The following SHISA6 variants were observed in gnomAD, a reference collection of about 807,000 sequenced individuals.
The protein encoded by SHISA6 is protein shisa-6.
Under a neutral mutation model 47.9 loss-of-function variants are expected in SHISA6, and 22 were observed. The observed-to-expected ratio is 0.46, with a 90% CI of 0.33 to 0.66. The LOEUF (loss-of-function observed/expected upper bound fraction) is 0.66. Among genes scored for constraint, SHISA6 ranks in the 30% least tolerant of loss-of-function variants. The pLI, the probability that SHISA6 is intolerant of heterozygous loss-of-function variation, is 0.02. For missense variants in SHISA6, 680 were observed against 764.6 expected (o/e 0.89, Z 1.30); for synonymous variants, 388 against 337.8 (o/e 1.15, Z -1.63).
intron 3 of SHISA6, among the ~76,000 whole-genome samples, chr17:11,436,880 C>T (rs1914957982): frequency 6.6e-6 from 1 of 152,088 alleles, no homozygotes; most frequent in South Asian, 2.1e-4. Context: ...CTTTTTCAAC[C>T]AAAAGGCAAA....
intron 3 of SHISA6, among the ~76,000 whole-genome samples, chr17:11,544,015 C>CG (rs2071858621): frequency 8.5e-6 from 1 of 117,694 alleles, no homozygotes. Context: ...TATTCATAAG[C>CG]AAAAAAAAAA....
rs897864626 is a variant in SHISA6, at chr17:11,392,140, G to A, written c.895+12631G>A. ...TGAATAGGATTGATGTCAGACTCTT[G>A]TTCTCTTCATCTGCTTCCCAGTGAA... On this transcript the variant is annotated intron_variant, in intron 3 of 5. Transcript: ENST00000441885. 3.3e-5 allele frequency among the ~76,000 whole-genome samples: 5 copies of A among 152,114 alleles called. No homozygotes were observed. In the East Asian group the frequency reaches 9.6e-4, roughly 29 times the overall value.
rs138353239 is a variant in SHISA6 at position 11,313,310 on chromosome 17, A to G, written c.799+49784A>G. Among the ~76,000 whole-genome samples the G allele has an allele frequency of 1.8e-3, 276 of 152,242 alleles. 3 individuals carry two copies. Among genetic ancestry groups the G allele is most frequent in the African/African-American group, 6.2e-3 (256 of 41,498 alleles). On this transcript the variant is annotated intron_variant, in intron 2 of 5. Transcript: ENST00000441885. The stretch of plus-strand genomic sequence containing the variant: ...AGTTTGCTTTTCTTTTCATGTGTTT[A>G]AATACCACTTATATGTCTTCTATGA...
intron 2 of SHISA6, among the ~76,000 whole-genome samples, chr17:11,271,266 A>G (rs996753638): frequency 7.2e-5 from 11 of 152,080 alleles, no homozygotes; most frequent in African/African-American, 1.9e-4. Context: ...CTCCTCAGCC[A>G]TGACCTTCTC....
intron 2 of SHISA6, among the ~76,000 whole-genome samples, chr17:11,323,803 G>A (rs994975319): frequency 3.3e-5 from 5 of 151,934 alleles, no homozygotes; most frequent in Admixed American, 6.6e-5. Context: ...TACGCTCCAG[G>A]GGCCTCAGCA....
chr17:11,470,722 G>T (rs1915915978), intron 3 of SHISA6, among the ~76,000 whole-genome samples: 1 of 150,696 alleles, frequency 6.6e-6, no homozygotes, highest in South Asian at 2.1e-4. Context: ...GAGGGGTGGG[G>T]GTGGGGACAG....
At chr17:11,489,369 A>T (rs892548916) in intron 3 of SHISA6, among the ~76,000 whole-genome samples, 2 of 151,998 alleles carry the variant, frequency 1.3e-5, no homozygotes, top group Non-Finnish European at 2.9e-5. Context: ...ATCTGACATG[A>T]CCTTTTCCAT....
chr17:11,364,562 A>G (rs1454005770), intron 2 of SHISA6, among the ~76,000 whole-genome samples: 1 of 152,216 alleles, frequency 6.6e-6, no homozygotes. Flanking sequence ...TTTATGTGGT[A>G]TATTGTAAAT....
chr17:11,548,402 GC>G, intron 3 of SHISA6, among the ~76,000 whole-genome samples: 1 of 150,948 alleles, frequency 6.6e-6, no homozygotes, highest in South Asian at 2.1e-4. Context: ...GACAGGGTTA[GC>G]ACAAAAAATA....
chr17:11,325,432 T>C (rs1910845374), intron 2 of SHISA6, among the ~76,000 whole-genome samples: 1 of 152,230 alleles, frequency 6.6e-6, no homozygotes, highest in Non-Finnish European at 1.5e-5. Flanking sequence ...AATGGCCATC[T>C]CCTTGTCCAG....
At position 11,373,613 on chromosome 17, in the gene SHISA6, A is replaced by G. The variant is rs554112903; in HGVS notation, c.800-5801A>G. Among the ~76,000 whole-genome samples, 8 of 152,294 alleles carry G rather than the reference A, an allele frequency of 5.3e-5. No homozygotes were observed. The East Asian group carries it at 9.6e-4, about 18-fold the overall frequency. ...GCATCCTCAAACAACATAATGTGTTATGTTGCATATTTTAAAACTCTCTCT... is the reference window on the plus strand; with the variant it reads ...GCATCCTCAAACAACATAATGTGTTGTGTTGCATATTTTAAAACTCTCTCT... On this transcript the variant is annotated intron_variant, in intron 2 of 5. Coordinates refer to ENST00000441885, the MANE Select transcript of SHISA6 (RefSeq NM_207386.4).
At chr17:11,369,828 G>A (rs1434591509) in intron 2 of SHISA6, among the ~76,000 whole-genome samples, 2 of 152,198 alleles carry the variant, frequency 1.3e-5, no homozygotes, top group African/African-American at 2.4e-5. Context: ...ATTACAGCCA[G>A]CATATCTGAG....
intron 2 of SHISA6, among the ~76,000 whole-genome samples, chr17:11,319,330 C>T (rs140600361): frequency 4.8e-4 from 73 of 152,276 alleles, no homozygotes; most frequent in African/African-American, 1.6e-3. Context: ...CCACCCGCCT[C>T]GCCCTTCCAA....
At chr17:11,326,903 G>T (rs1910915070) in intron 2 of SHISA6, among the ~76,000 whole-genome samples, 1 of 152,210 alleles carries the variant, frequency 6.6e-6, no homozygotes, top group Non-Finnish European at 1.5e-5. Context: ...AGCAACGTAG[G>T]ACTTCAGGGA....
intron 2 of SHISA6, among the ~76,000 whole-genome samples, chr17:11,364,761 A>G (rs1912389848): frequency 6.6e-6 from 1 of 152,234 alleles, no homozygotes; most frequent in South Asian, 2.1e-4. Flanking sequence ...TTTTATCTTC[A>G]GAACAAACTA....
At chr17:11,544,212 G>A (rs557332002) in intron 3 of SHISA6, among the ~76,000 whole-genome samples, 6 of 151,778 alleles carry the variant, frequency 4.0e-5, no homozygotes, top group Non-Finnish European at 4.4e-5. Context: ...TTTAAAAATT[G>A]ATAAATCAGA....
chr17:11,368,315 C>T (rs1912521121), intron 2 of SHISA6, among the ~76,000 whole-genome samples: 1 of 139,292 alleles, frequency 7.2e-6, no homozygotes. Flanking sequence ...CGTGTTTTCT[C>T]CTACTAATCT....
chr17:11,409,351 A>G (rs1262182888), intron 3 of SHISA6, among the ~76,000 whole-genome samples: 2 of 152,216 alleles, frequency 1.3e-5, no homozygotes, highest in Non-Finnish European at 2.9e-5. Flanking sequence ...ATAAAATAGA[A>G]GGTCATCAAA....
rs916041478 is a variant in SHISA6 at position 11,555,789 on chromosome 17, C to A, written c.1002C>A (p.Asp334Glu). The A allele has an allele frequency of 3.9e-6, 6 of 1,551,720 alleles. No homozygotes were observed. Among genetic ancestry groups the A allele is most frequent in the Non-Finnish European group, 4.4e-6 (5 of 1,146,918 alleles). ...TGACATCAGCCACCGAGCCCTATGA[C>A]CTCTCCTTCTCCCGCTCGTTCCAGA... ...NILTSATEPY[D>E]LSFSRSFQNL... The change falls in exon 5 of 6, where the codon GAC becomes GAA. Residue 334 changes from aspartate (D) to glutamate (E), a missense_variant. By Grantham distance (45) the Asp-to-Glu change is conservative (BLOSUM62 2). Transcript: ENST00000441885.
Sources: allele counts gnomAD v4.1 joint callset (sites outside exome capture counted in the v4.1 genomes callset), GRCh38; gene constraint gnomAD v4.1.1; transcripts MANE v1.5; gene names NCBI Gene and HGNC (gene_info 2026-07-23, HGNC 2026-07-21).